The following MNAT1 variants were observed in gnomAD, a reference collection of about 807,000 sequenced individuals.
MNAT1 encodes MNAT1 component of CDK activating kinase, also known as CDK-activating kinase assembly factor MAT1.
In MNAT1, 43 loss-of-function variants were observed where a neutral mutation model predicts 42.0. The ratio of observed to expected loss-of-function variants is 1.02; its 90% CI spans 0.80 to 1.32. MNAT1 has a LOEUF of 1.32. Ranked by LOEUF, MNAT1 falls within the 40% of genes most tolerant of loss-of-function variation. The pLI, the probability that MNAT1 is intolerant of heterozygous loss-of-function variation, is 0.00. For missense variants in MNAT1, 306 were observed against 350.4 expected (o/e 0.87, Z 1.01); for synonymous variants, 118 against 120.0 (o/e 0.98, Z 0.11).
At chr14:60,926,131 C>T (rs565506840) in intron 7 of MNAT1, among the ~76,000 whole-genome samples, 2 of 152,258 alleles carry the variant, frequency 1.3e-5, no homozygotes, top group Middle Eastern at 3.4e-3. Context: ...AAACTCATTA[C>T]CTCAGAAATC....
At chr14:60,955,918 G>C (rs1014397368) in intron 7 of MNAT1, among the ~76,000 whole-genome samples, 3 of 150,948 alleles carry the variant, frequency 2.0e-5, no homozygotes, top group African/African-American at 7.3e-5. Context: ...AGTTAATCTA[G>C]CTAAAGGTTT....
rs556910793 is a variant in MNAT1, at chr14:60,848,450, T to C, written c.687+29603T>C. Among the ~76,000 whole-genome samples, 3 of 152,340 alleles carry C rather than the reference T, an allele frequency of 2.0e-5. No homozygotes were observed. In the East Asian group the frequency reaches 5.8e-4, roughly 29 times the overall value. The stretch of plus-strand genomic sequence containing the variant: ...GGTAGTTTAGATTTTCATTGTGTTT[T>C]AAAAATAGTTACAGCCTGAATTTAT... On this transcript the variant is annotated intron_variant, in intron 6 of 7. Coordinates refer to ENST00000261245, the MANE Select transcript of MNAT1 (RefSeq NM_002431.4).
chr14:60,780,662 T>C, intron 1 of MNAT1: 1 of 950,636 alleles, frequency 1.1e-6, no homozygotes, highest in South Asian at 1.6e-5. Context: ...AAGTCATCTA[T>C]AGTTGATATG....
At chr14:60,941,712 A>G (rs1031470632) in intron 7 of MNAT1, among the ~76,000 whole-genome samples, 3 of 151,456 alleles carry the variant, frequency 2.0e-5, no homozygotes, top group Non-Finnish European at 4.4e-5. Flanking sequence ...TTAAAAAAAA[A>G]AAAAGTCAAT....
chr14:60,848,160 G>T (rs2033727601), intron 6 of MNAT1, among the ~76,000 whole-genome samples: 1 of 152,084 alleles, frequency 6.6e-6, no homozygotes, highest in African/African-American at 2.4e-5. Context: ...CAGTTTTGTA[G>T]GGTAGTTTAT....
In MNAT1 at chr14:60,880,942, T is replaced by C. The variant is rs77587008; in HGVS notation, c.809+1107T>C. On this transcript the variant is annotated intron_variant, in intron 7 of 7. Coordinates refer to ENST00000261245, the MANE Select transcript of MNAT1 (RefSeq NM_002431.4). ...AAGAGATAGACAATATTGCGTTTTA[T>C]AATGTAAAAAGTTATACATGATGTA... is the stretch of plus-strand genomic sequence containing the variant. Among the ~76,000 whole-genome samples, 262 of 152,340 alleles carry C rather than the reference T, an allele frequency of 1.7e-3. 3 individuals are homozygous for C. The highest frequency in any genetic ancestry group is 0.012 in the Admixed American group (187 of 15,298).
chr14:60,866,545 ATAG>A (rs2034207074), intron 6 of MNAT1, among the ~76,000 whole-genome samples: 2 of 152,176 alleles, frequency 1.3e-5, no homozygotes, highest in South Asian at 4.1e-4. Context: ...GAATGAAATT[ATAG>A]TCAAAACAGT....
At chr14:60,944,385 A>T (rs1347069989) in intron 7 of MNAT1, among the ~76,000 whole-genome samples, 1 of 152,222 alleles carries the variant, frequency 6.6e-6, no homozygotes, top group African/African-American at 2.4e-5. Context: ...TTATAAGAAC[A>T]GCTACCAGAG....
At chr14:60,836,843 T>G (rs1185879621) in intron 6 of MNAT1, among the ~76,000 whole-genome samples, 2 of 152,122 alleles carry the variant, frequency 1.3e-5, no homozygotes, top group Non-Finnish European at 2.9e-5. Context: ...ACCCATAGAC[T>G]CCCCTTCCCC....
chr14:60,764,529 A>G (rs2030735349), intron 1 of MNAT1, among the ~76,000 whole-genome samples: 1 of 152,194 alleles, frequency 6.6e-6, no homozygotes. Flanking sequence ...TGAAGAAGAC[A>G]TTAAAGCATT....
At chr14:60,869,454 C>T (rs1382598277) in intron 6 of MNAT1, among the ~76,000 whole-genome samples, 2 of 152,126 alleles carry the variant, frequency 1.3e-5, no homozygotes, top group Middle Eastern at 3.2e-3. Flanking sequence ...TAGGGCCTTA[C>T]ACTCTAATGG....
chr14:60,966,729 G>A (rs1199630146), intron 7 of MNAT1, among the ~76,000 whole-genome samples: 1 of 152,164 alleles, frequency 6.6e-6, no homozygotes, highest in African/African-American at 2.4e-5. Flanking sequence ...GGCCAGGCTG[G>A]TCTTGAACTT....
chr14:60,942,867 C>T (rs974871741), intron 7 of MNAT1, among the ~76,000 whole-genome samples: 23 of 152,032 alleles, frequency 1.5e-4, no homozygotes, highest in African/African-American at 4.6e-4. Context: ...ACCTCACTGT[C>T]GCAGTGCTTT....
chr14:60,947,053 A>G (rs527518561), intron 7 of MNAT1, among the ~76,000 whole-genome samples: 5 of 152,324 alleles, frequency 3.3e-5, no homozygotes, highest in African/African-American at 1.2e-4. Context: ...TCGTGAATTC[A>G]TGTAAACCTG....
At chr14:60,856,879 C>T (rs1385141508) in intron 6 of MNAT1, among the ~76,000 whole-genome samples, 2 of 152,072 alleles carry the variant, frequency 1.3e-5, no homozygotes, top group Non-Finnish European at 2.9e-5. Flanking sequence ...TGGGGTTTCA[C>T]CATATTGGCC....
At chr14:60,771,893 T>A (rs899801656) in intron 1 of MNAT1, among the ~76,000 whole-genome samples, 1 of 152,218 alleles carries the variant, frequency 6.6e-6, no homozygotes, top group Non-Finnish European at 1.5e-5. Context: ...TGAAAAAGTG[T>A]CCATTTTCTA....
intron 6 of MNAT1, among the ~76,000 whole-genome samples, chr14:60,851,958 G>C (rs146543948): frequency 6.6e-6 from 1 of 152,070 alleles, no homozygotes; most frequent in Non-Finnish European, 1.5e-5. Flanking sequence ...TCATTAGTGC[G>C]CATTTGGGTT....
chr14:60,904,003 C>T (rs4151325), intron 7 of MNAT1, among the ~76,000 whole-genome samples: 1,956 of 151,732 alleles, frequency 0.013, 44 homozygotes, highest in African/African-American at 0.045. Context: ...TCCCGAGTAG[C>T]GGGGACTGCA....
intron 3 of MNAT1, among the ~76,000 whole-genome samples, chr14:60,801,976 G>A (rs940787664): frequency 3.3e-5 from 5 of 152,268 alleles, no homozygotes; most frequent in East Asian, 1.9e-4. Flanking sequence ...ATGCAACAAC[G>A]TGGATCAACC....
Sources: gnomAD v4.1 joint callset for allele counts (sites outside exome capture counted in the v4.1 genomes callset) on GRCh38, gnomAD v4.1.1 for gene constraint, MANE v1.5 for transcripts, NCBI Gene and HGNC (gene_info 2026-07-23, HGNC 2026-07-21) for gene names.